The following CNTLN variants were observed in gnomAD, a reference collection of about 807,000 sequenced individuals.
The protein encoded by CNTLN is centlein.
CNTLN carries 212 observed loss-of-function variants against 180.0 expected under a neutral mutation model. The observed-to-expected ratio is 1.18, with a 90% CI of 1.05 to 1.32. The LOEUF is 1.32. Ranked by LOEUF, CNTLN falls within the 40% of genes most tolerant of loss-of-function variation. The probability of loss-of-function intolerance (pLI) is 0.00; values close to 1 mark genes in which losing one functional copy is unlikely to be tolerated. For missense variants in CNTLN, 2,095 were observed against 1,610.9 expected (o/e 1.30, Z -5.14); for synonymous variants, 722 against 563.1 (o/e 1.28, Z -3.99).
intron 7 of CNTLN, chr9:17,299,467 T>C (rs1001352222): frequency 2.0e-6 from 2 of 980,976 alleles, no homozygotes; most frequent in Non-Finnish European, 2.4e-6. Flanking sequence ...AAAAAATCAC[T>C]GTGAAAATCG....
intron 1 of CNTLN, among the ~76,000 whole-genome samples, chr9:17,140,816 A>T (rs974334289): frequency 2.6e-5 from 4 of 152,190 alleles, no homozygotes; most frequent in Non-Finnish European, 5.9e-5. Flanking sequence ...CCATAAATAT[A>T]TGCAATTTTT....
chr9:17,269,549 C>G (rs984215576), intron 5 of CNTLN, among the ~76,000 whole-genome samples: 4 of 152,010 alleles, frequency 2.6e-5, no homozygotes, highest in African/African-American at 7.2e-5. Context: ...GAATGTTTTG[C>G]TTAATTTCCA....
At chr9:17,289,691 G>C (rs1292466226) in intron 6 of CNTLN, among the ~76,000 whole-genome samples, 2 of 135,536 alleles carry the variant, frequency 1.5e-5, no homozygotes, top group African/African-American at 6.1e-5. Context: ...CATATTTCTT[G>C]GAGGCTTTGC....
chr9:17,507,676 A>T (rs1316979669), downstream of CNTLN, among the ~76,000 whole-genome samples: 1 of 152,168 alleles, frequency 6.6e-6, no homozygotes, highest in Admixed American at 6.5e-5. Flanking sequence ...TGTGACATGA[A>T]ATCTTTCATC....
intron 12 of CNTLN, among the ~76,000 whole-genome samples, chr9:17,346,622 A>T (rs1288005414): frequency 6.6e-6 from 1 of 152,200 alleles, no homozygotes; most frequent in Non-Finnish European, 1.5e-5. Context: ...TAGGTAATGC[A>T]TCATTCTGTT....
chr9:17,416,716 C>G (rs1828284177), intron 18 of CNTLN, among the ~76,000 whole-genome samples: 1 of 151,976 alleles, frequency 6.6e-6, no homozygotes, highest in South Asian at 2.1e-4. Context: ...AACATTATAC[C>G]TTACTCCTGG....
At chr9:17,203,084 C>T (rs1389870300) in intron 2 of CNTLN, among the ~76,000 whole-genome samples, 1 of 152,028 alleles carries the variant, frequency 6.6e-6, no homozygotes, top group Non-Finnish European at 1.5e-5. Flanking sequence ...TTTATTTCTC[C>T]TTCACTTATG....
At chr9:17,149,307 A>G (rs2131491193) in intron 2 of CNTLN, among the ~76,000 whole-genome samples, 1 of 152,134 alleles carries the variant, frequency 6.6e-6, no homozygotes, top group Non-Finnish European at 1.5e-5. Context: ...TTGTAGAATG[A>G]TTTATAATCC....
At chr9:17,510,448 A>G in the CNTLN span, among the ~76,000 whole-genome samples, 1 of 152,152 alleles carries the variant, frequency 6.6e-6, no homozygotes, top group Non-Finnish European at 1.5e-5. Context: ...TGGTGCTCAG[A>G]TATGTGGTCA....
intron 23 of CNTLN, among the ~76,000 whole-genome samples, chr9:17,471,006 C>T (rs558131384): frequency 1.4e-4 from 21 of 152,008 alleles, no homozygotes; most frequent in African/African-American, 5.1e-4. Flanking sequence ...TGATACAATT[C>T]AAGTTGAATT....
intron 2 of CNTLN, among the ~76,000 whole-genome samples, chr9:17,201,922 A>G (rs1342800940): frequency 6.6e-6 from 1 of 151,972 alleles, no homozygotes; most frequent in Non-Finnish European, 1.5e-5. Flanking sequence ...TTTAATTGAC[A>G]TGTTAGGGTG....
At chr9:17,146,784 A>C (rs1034624588) in intron 2 of CNTLN, among the ~76,000 whole-genome samples, 3 of 152,166 alleles carry the variant, frequency 2.0e-5, no homozygotes, top group Admixed American at 1.3e-4. Context: ...TCAAATTATT[A>C]CTTCTAAAAA....
intron 10 of CNTLN, among the ~76,000 whole-genome samples, chr9:17,338,585 C>A (rs1821236890): frequency 6.6e-6 from 1 of 151,772 alleles, no homozygotes; most frequent in African/African-American, 2.4e-5. Context: ...AACTCATGTT[C>A]ATATATGAGA....
chr9:17,179,261 A>AAAAAAAAAAAG (rs762439606), intron 2 of CNTLN, among the ~76,000 whole-genome samples: 1 of 138,640 alleles, frequency 7.2e-6, no homozygotes, highest in African/African-American at 3.0e-5. Context: ...AAAAAAAAAA[A>AAAAAAAAAAAG]AAGAAGAAGT....
chr9:17,315,425 A>C (rs561164844), intron 8 of CNTLN, among the ~76,000 whole-genome samples: 59 of 152,090 alleles, frequency 3.9e-4, no homozygotes, highest in African/African-American at 1.4e-3. Flanking sequence ...GGTTTCTAGC[A>C]GTTTTTATAT....
intron 2 of CNTLN, among the ~76,000 whole-genome samples, chr9:17,181,087 C>G (rs996866823): frequency 2.0e-5 from 3 of 152,080 alleles, no homozygotes; most frequent in Admixed American, 6.6e-5. Context: ...ATGATTATGT[C>G]TTTTGCCAAA....
At chr9:17,457,452 C>A in intron 18 of CNTLN, 72 bp from the exon 19 acceptor site, 1 of 807,644 alleles carries the variant, frequency 1.2e-6, no homozygotes, top group Non-Finnish European at 1.7e-6. Context: ...GAATTTTATG[C>A]TGATAATTGT....
intron 10 of CNTLN, among the ~76,000 whole-genome samples, chr9:17,335,021 G>A (rs1437956019): frequency 1.3e-5 from 2 of 152,136 alleles, no homozygotes; most frequent in African/African-American, 4.8e-5. Context: ...AAAGCTGATG[G>A]TGTAAGTTCA....
At chr9:17,150,761 A>G (rs1444759516) in intron 2 of CNTLN, among the ~76,000 whole-genome samples, 1 of 152,102 alleles carries the variant, frequency 6.6e-6, no homozygotes, top group East Asian at 1.9e-4. Flanking sequence ...TTTTCACGAT[A>G]TTGATTCTTC....
Sources: gnomAD v4.1 joint callset for allele counts (sites outside exome capture counted in the v4.1 genomes callset) on GRCh38, gnomAD v4.1.1 for gene constraint, MANE v1.5 for transcripts, NCBI Gene and HGNC (gene_info 2026-07-23, HGNC 2026-07-21) for gene names.